GULP1: variants seen among roughly 807,000 people sequenced by gnomAD.
GULP1 encodes the protein GULP PTB domain containing engulfment adaptor 1, also known as PTB domain-containing engulfment adapter protein 1.
GULP1 carries 19 observed loss-of-function variants against 40.9 expected under a neutral mutation model. That is an observed-to-expected ratio of 0.46 (90% CI 0.32 to 0.68). The LOEUF is 0.68. GULP1 is among the 30% of genes least tolerant of loss of function. GULP1 has a pLI of 0.03. For synonymous variants in GULP1, 119 were observed against 117.6 expected (o/e 1.01, Z -0.08); for missense variants, 312 against 362.2 (o/e 0.86, Z 1.12).
intron 2 of GULP1, among the ~76,000 whole-genome samples, chr2:188,456,277 A>G (rs1460226573): frequency 1.3e-5 from 2 of 152,180 alleles, no homozygotes; most frequent in African/African-American, 2.4e-5. Context: ...AGGGCATGTC[A>G]GAGACCTTTG....
At chr2:188,407,156 G>A (rs2053233827) in intron 2 of GULP1, among the ~76,000 whole-genome samples, 1 of 152,082 alleles carries the variant, frequency 6.6e-6, no homozygotes, top group African/African-American at 2.4e-5. Context: ...ACCTGGAAGA[G>A]CTCTTCTTTA....
intron 9 of GULP1, among the ~76,000 whole-genome samples, chr2:188,576,532 A>T (rs1016278989): frequency 6.6e-6 from 1 of 152,194 alleles, no homozygotes; most frequent in African/African-American, 2.4e-5. Flanking sequence ...ATAAAAATTG[A>T]TATGAATATA....
At chr2:188,483,391 T>A in intron 3 of GULP1, 40 bp from the exon 4 acceptor site, 1 of 1,043,984 alleles carries the variant, frequency 9.6e-7, no homozygotes. Flanking sequence ...TATGACACCA[T>A]GGAAACCTAA....
chr2:188,580,158 G>C (rs1700962927), intron 9 of GULP1, among the ~76,000 whole-genome samples: 1 of 152,140 alleles, frequency 6.6e-6, no homozygotes, highest in African/African-American at 2.4e-5. Flanking sequence ...TTAAAAGGTG[G>C]CTACCAAGGA....
At chr2:188,397,074 T>A (rs1453131096) in intron 2 of GULP1, among the ~76,000 whole-genome samples, 2 of 152,240 alleles carry the variant, frequency 1.3e-5, no homozygotes, top group Non-Finnish European at 1.5e-5. Flanking sequence ...AGATGCAGGC[T>A]GTAGCCTACC....
chr2:188,316,965 A>G (rs1004481491), intron 1 of GULP1, among the ~76,000 whole-genome samples: 4 of 152,190 alleles, frequency 2.6e-5, no homozygotes, highest in Non-Finnish European at 5.9e-5. Context: ...TGCTTATATT[A>G]AAATATGCCT....
At chr2:188,506,024 T>C (rs1559320768) in intron 4 of GULP1, among the ~76,000 whole-genome samples, 1 of 151,910 alleles carries the variant, frequency 6.6e-6, no homozygotes, top group Non-Finnish European at 1.5e-5. Flanking sequence ...TATCAAAATT[T>C]ACTTTATTAA....
chr2:188,304,109 A>C (rs1403496888), intron 1 of GULP1, among the ~76,000 whole-genome samples: 1 of 152,170 alleles, frequency 6.6e-6, no homozygotes, highest in Non-Finnish European at 1.5e-5. Flanking sequence ...TGCTTATGGA[A>C]GAGTTTGGAA....
intron 4 of GULP1, among the ~76,000 whole-genome samples, chr2:188,518,633 C>T (rs1052970687): frequency 6.6e-6 from 1 of 152,054 alleles, no homozygotes; most frequent in Non-Finnish European, 1.5e-5. Context: ...ACCAGCAAAG[C>T]ATGTGGAAAC....
rs189741162 is a variant in GULP1, at chr2:188,541,838, G to A, written c.399+520G>A. ...TGTATAAAAATCTTAGGCCAGGCGC[G>A]GTGGCTCACGCCTGTAATCCCAGCA... is the stretch of plus-strand genomic sequence containing the variant. On this transcript the variant is annotated intron_variant, in intron 7 of 11. Coordinates refer to ENST00000409830, the MANE Select transcript of GULP1 (RefSeq NM_016315.4). 2.7e-4 allele frequency: 43 copies of A among 161,942 alleles called. 1 individual carries two copies. The East Asian group carries it at 7.1e-3, about 27-fold the overall frequency. 10.0% of individuals were successfully genotyped at this position (161,942 alleles called of 1,614,324 possible). A position where few individuals can be genotyped will look rare whatever the true frequency, so the allele number is the denominator to read the frequency against.
chr2:188,366,170 A>G (rs774040124), intron 1 of GULP1, among the ~76,000 whole-genome samples: 41 of 152,146 alleles, frequency 2.7e-4, no homozygotes, highest in Non-Finnish European at 4.6e-4. Flanking sequence ...AGGGCCTGTA[A>G]AGGAGGAAAG....
At chr2:188,383,505 A>G (rs989009034) in intron 1 of GULP1, among the ~76,000 whole-genome samples, 5 of 152,204 alleles carry the variant, frequency 3.3e-5, no homozygotes, top group African/African-American at 1.2e-4. Context: ...ACCAGGCTTT[A>G]ATAGTAACAT....
intron 2 of GULP1, among the ~76,000 whole-genome samples, chr2:188,458,216 C>A (rs746799976): frequency 5.3e-5 from 8 of 151,748 alleles, no homozygotes; most frequent in South Asian, 2.1e-4. Context: ...TCTCTTTGAC[C>A]ATATTCCCTC....
chr2:188,548,161 C>T (rs1415092218), intron 7 of GULP1, among the ~76,000 whole-genome samples: 1 of 151,988 alleles, frequency 6.6e-6, no homozygotes, highest in East Asian at 1.9e-4. Flanking sequence ...AATAAATTTG[C>T]AGATTGTAAA....
At chr2:188,406,599 C>T (rs1202397839) in intron 2 of GULP1, among the ~76,000 whole-genome samples, 1 of 151,772 alleles carries the variant, frequency 6.6e-6, no homozygotes, top group South Asian at 2.1e-4. Context: ...AGAGTGTCAG[C>T]AGCAGAGTTG....
At chr2:188,570,439 T>C (rs1698773716) in intron 9 of GULP1, among the ~76,000 whole-genome samples, 1 of 152,176 alleles carries the variant, frequency 6.6e-6, no homozygotes, top group African/African-American at 2.4e-5. Context: ...AATTACTATT[T>C]GCTGGGTTAG....
At chr2:188,538,934 C>T (rs778113163) in intron 6 of GULP1, among the ~76,000 whole-genome samples, 1 of 151,892 alleles carries the variant, frequency 6.6e-6, no homozygotes, top group Non-Finnish European at 1.5e-5. Flanking sequence ...ATATATGAGA[C>T]AGGATTTTTA....
intron 6 of GULP1, among the ~76,000 whole-genome samples, chr2:188,538,182 C>A (rs912035650): frequency 1.3e-5 from 2 of 151,920 alleles, no homozygotes; most frequent in Admixed American, 6.6e-5. Context: ...CTCTCAATTT[C>A]ATTCAATTCC....
rs955927338 is a variant in GULP1, at chr2:188,525,968, C to G, written c.163-3129C>G. Among the ~76,000 whole-genome samples the G allele has an allele frequency of 3.9e-5, 6 of 152,018 alleles. No homozygotes were observed. In the South Asian group the frequency reaches 8.3e-4, roughly 21 times the overall value. On this transcript the variant is annotated intron_variant, in intron 5 of 11. Coordinates refer to ENST00000409830, the MANE Select transcript of GULP1 (RefSeq NM_016315.4). ...AATTAAAAATATAAACATGAGAACC[C>G]CAGAGAAGAATAGCTTCAAATAATA...
Sources: allele counts gnomAD v4.1 joint callset (sites outside exome capture counted in the v4.1 genomes callset), GRCh38; gene constraint gnomAD v4.1.1; transcripts MANE v1.5; gene names NCBI Gene and HGNC (gene_info 2026-07-23, HGNC 2026-07-21).